Variants in RASAL2 observed in about 807,000 individuals in gnomAD.
RASAL2 encodes the protein ras GTPase-activating protein nGAP.
A neutral mutation model predicts 128.9 loss-of-function variants in RASAL2; 58 were observed. The observed-to-expected ratio is 0.45, with a 90% confidence interval of 0.36 to 0.56. RASAL2 has a LOEUF of 0.56. Ranked by LOEUF, RASAL2 falls within the 20% of genes least tolerant of loss-of-function variation. The pLI is 0.00. For missense variants in RASAL2, 1,360 were observed against 1,601.6 expected, an observed-to-expected ratio of 0.85 and a Z score of 2.57; for synonymous variants, 561 against 580.8, an observed-to-expected ratio of 0.97 and a Z score of 0.49.
At chr1:178,180,065 T>C (rs12027396) in intron 1 of RASAL2, among the ~76,000 whole-genome samples, 13,246 of 152,232 alleles carry the variant, frequency 0.087, 612 homozygotes, top group Middle Eastern at 0.13. Context: ...GAAATACTTA[T>C]TAATCTGGAT....
At chr1:178,470,571 T>C in intron 17 of RASAL2, 1 of 679,642 alleles carries the variant, frequency 1.5e-6, no homozygotes, top group Non-Finnish European at 2.3e-6. Context: ...GGAGACACTG[T>C]GGCTCCCAGG....
At chr1:178,453,828 C>A (rs1038181151) in intron 11 of RASAL2, among the ~76,000 whole-genome samples, 2 of 152,106 alleles carry the variant, frequency 1.3e-5, no homozygotes, top group African/African-American at 4.8e-5. Flanking sequence ...CTTCAGTGAA[C>A]AGATTGTTTT....
chr1:178,203,702 CCTTT>C (rs1359004978), intron 1 of RASAL2, among the ~76,000 whole-genome samples: 2 of 152,194 alleles, frequency 1.3e-5, no homozygotes, highest in Non-Finnish European at 2.9e-5. Flanking sequence ...GCTCCTCCTA[CCTTT>C]AAGTTAACAG....
At chr1:178,364,477 T>C (rs1044615691) in intron 3 of RASAL2, among the ~76,000 whole-genome samples, 7 of 152,202 alleles carry the variant, frequency 4.6e-5, no homozygotes, top group African/African-American at 9.7e-5. Flanking sequence ...AGGGTTGATA[T>C]GAGGAGAAAA....
intron 2 of RASAL2, among the ~76,000 whole-genome samples, chr1:178,293,912 C>G (rs989851962): frequency 1.3e-5 from 2 of 152,188 alleles, no homozygotes; most frequent in Non-Finnish European, 2.9e-5. Flanking sequence ...AAATGCAAAG[C>G]CTGTCCTAAG....
intron 5 of RASAL2, among the ~76,000 whole-genome samples, chr1:178,438,101 CTTGTGTGT>C (rs1426917297): frequency 1.0e-5 from 1 of 98,052 alleles, no homozygotes; most frequent in African/African-American, 4.0e-5. Context: ...TAAATGGTGG[CTTGTGTGT>C]GTGTGTGTGT....
intron 1 of RASAL2, among the ~76,000 whole-genome samples, chr1:178,155,585 T>C (rs1661057801): frequency 6.6e-6 from 1 of 151,982 alleles, no homozygotes; most frequent in African/African-American, 2.4e-5. Context: ...TGAAGCAGCC[T>C]CCTACATCTT....
chr1:178,287,641 T>C (rs1161431047), intron 2 of RASAL2, among the ~76,000 whole-genome samples: 1 of 152,120 alleles, frequency 6.6e-6, no homozygotes, highest in African/African-American at 2.4e-5. Flanking sequence ...TGTATGTATA[T>C]ACTGTGGAAT....
chr1:178,096,434 G>A (rs1053794957), intron 1 of RASAL2, among the ~76,000 whole-genome samples: 1 of 150,540 alleles, frequency 6.6e-6, no homozygotes, highest in African/African-American at 2.4e-5. Context: ...CATTCCTAGG[G>A]GTTGATTTGT....
chr1:178,171,504 A>T (rs1227481766), intron 1 of RASAL2, among the ~76,000 whole-genome samples: 2 of 151,998 alleles, frequency 1.3e-5, no homozygotes, highest in Admixed American at 1.3e-4. Context: ...AAAAAGGACT[A>T]ACCATTTTGA....
intron 4 of RASAL2, among the ~76,000 whole-genome samples, chr1:178,397,751 G>T (rs536355581): frequency 2.0e-5 from 3 of 150,924 alleles, no homozygotes; most frequent in Non-Finnish European, 2.9e-5. Context: ...AACCACAAGC[G>T]CATGGCACTG....
intron 1 of RASAL2, among the ~76,000 whole-genome samples, chr1:178,136,553 C>A (rs377131298): frequency 6.6e-6 from 1 of 151,614 alleles, no homozygotes; most frequent in Non-Finnish European, 1.5e-5. Context: ...GTCAGGAGTT[C>A]GAGACCAGCC....
At chr1:178,242,202 G>T (rs1664528604) in intron 1 of RASAL2, among the ~76,000 whole-genome samples, 1 of 152,092 alleles carries the variant, frequency 6.6e-6, no homozygotes, top group Non-Finnish European at 1.5e-5. Context: ...CCACTTTTAA[G>T]TATCATTGTC....
intron 3 of RASAL2, among the ~76,000 whole-genome samples, chr1:178,378,146 T>C (rs1391815436): frequency 1.3e-5 from 2 of 151,864 alleles, no homozygotes; most frequent in Middle Eastern, 3.2e-3. Flanking sequence ...CTGGATTTTT[T>C]TTAATGCTAT....
chr1:178,369,449 C>T (rs1012271529), intron 3 of RASAL2, among the ~76,000 whole-genome samples: 1 of 151,534 alleles, frequency 6.6e-6, no homozygotes, highest in Non-Finnish European at 1.5e-5. Context: ...GTCTTGAACT[C>T]CTGACCTCAA....
intron 1 of RASAL2, among the ~76,000 whole-genome samples, chr1:178,142,906 T>C (rs773774570): frequency 1.7e-4 from 26 of 152,092 alleles, no homozygotes; most frequent in South Asian, 1.2e-3. Context: ...ATCCCTGAGA[T>C]TTGGGCATGT....
chr1:178,162,860 TTGTGAGCCAC>T (rs1302403879), intron 1 of RASAL2, among the ~76,000 whole-genome samples: 1 of 151,760 alleles, frequency 6.6e-6, no homozygotes, highest in Non-Finnish European at 1.5e-5. Flanking sequence ...AGTGCTGGGA[TTGTGAGCCAC>T]TGTGCCCAGC....
At position 178,250,403 on chromosome 1, in the gene RASAL2, G is replaced by A. The variant is rs141401559; in HGVS notation, c.203-33161G>A. On this transcript the variant is annotated intron_variant, in intron 1 of 17. Transcript: ENST00000367649. ...GGGAAAACCGCCTACTCAAGCCTCA[G>A]CAATGGCGGACGCCCCAACCCCACC... 6.1e-3 allele frequency among the ~76,000 whole-genome samples: 922 copies of A among 152,326 alleles called. 8 individuals carry two copies. The highest frequency in any genetic ancestry group is 0.021 in the African/African-American group (873 of 41,578).
At chr1:178,240,078 A>G (rs903801462) in intron 1 of RASAL2, among the ~76,000 whole-genome samples, 1 of 152,056 alleles carries the variant, frequency 6.6e-6, no homozygotes, top group Admixed American at 6.6e-5. Flanking sequence ...AAACTTTTGT[A>G]ATTACTTTTT....
Sources: gnomAD v4.1 joint callset for allele counts (sites outside exome capture counted in the v4.1 genomes callset) on GRCh38, gnomAD v4.1.1 for gene constraint, MANE v1.5 for transcripts, NCBI Gene and HGNC (gene_info 2026-07-23, HGNC 2026-07-21) for gene names.